The following DDX19B variants were observed in gnomAD, a reference collection of about 807,000 sequenced individuals.
The protein encoded by DDX19B is DEAD-box helicase 19B.
Under a neutral mutation model 58.1 loss-of-function variants are expected in DDX19B, and 27 were observed. The ratio of observed to expected loss-of-function variants is 0.46; its 90% CI spans 0.34 to 0.64. The LOEUF is 0.64. Ranked by LOEUF, DDX19B falls within the 30% of genes least tolerant of loss-of-function variation. The probability of loss-of-function intolerance (pLI) is 0.01; values close to 1 mark genes in which losing one functional copy is unlikely to be tolerated. For synonymous variants in DDX19B, 187 were observed against 214.4 expected, an observed-to-expected ratio of 0.87 and a Z score of 1.12; for missense variants, 399 against 596.5, an observed-to-expected ratio of 0.67 and a Z score of 3.45.
At chr16:70,290,093 T>A (rs1269094867), upstream of DDX19B, 1 of 250,060 alleles carries the variant, frequency 4.0e-6, no homozygotes, top group Non-Finnish European at 8.2e-6. Flanking sequence ...GGAGGGTGAA[T>A]ATATATATAT....
intron 1 of DDX19B, among the ~76,000 whole-genome samples, chr16:70,299,913 C>G (rs994264707): frequency 6.6e-6 from 1 of 152,092 alleles, no homozygotes; most frequent in Non-Finnish European, 1.5e-5. Flanking sequence ...TCAGCAAATC[C>G]TTTCCTCATC....
At chr16:70,296,255 C>T (rs1014441067), upstream of DDX19B, among the ~76,000 whole-genome samples, 3 of 152,030 alleles carry the variant, frequency 2.0e-5, no homozygotes, top group East Asian at 3.9e-4. Context: ...ACCACCTTGG[C>T]CTCCCAAACT....
intron 10 of DDX19B, 117 bp from the exon 11 acceptor site, chr16:70,332,851 C>T (rs1427213843): frequency 5.7e-6 from 9 of 1,576,992 alleles, no homozygotes; most frequent in Admixed American, 1.7e-5. Context: ...ATGTCATGCA[C>T]GTCTCTTAGT....
chr16:70,325,788 G>A, intron 7 of DDX19B, 100 bp downstream of exon 7: 1 of 875,964 alleles, frequency 1.1e-6, no homozygotes, highest in Non-Finnish European at 1.9e-6. Context: ...ATAAACACAT[G>A]TATGTTCTCC....
At chr16:70,294,860 C>T, upstream of DDX19B, 11 of 1,523,634 alleles carry the variant, frequency 7.2e-6, no homozygotes, top group South Asian at 1.2e-5. Flanking sequence ...CTGGGGCTGC[C>T]GGGCGCGTCC....
rs961248662 is a variant in DDX19B at position 70,333,907 on chromosome 16, G to A, written c.*325G>A. ...GCTGATTACTTGCCCAGGATCTCCT[G>A]TGGCAGCCTCTGCTTGTTCTCTGGC... On this transcript the variant is annotated 3_prime_UTR_variant, in exon 12 of 12. Transcript: ENST00000288071. 2.4e-6 allele frequency: 1 copy of A among 415,912 alleles called. No homozygotes were observed. Among genetic ancestry groups the A allele is most frequent in the Non-Finnish European group, 4.4e-6 (1 of 226,942 alleles). The allele number at this position is 415,912 out of a possible 1,614,324, so 25.8% of individuals were successfully genotyped here. A position where few individuals can be genotyped will look rare whatever the true frequency, so the allele number is the denominator to read the frequency against.
At chr16:70,315,844 G>T (rs1200352236) in intron 3 of DDX19B, 125 bp from the exon 4 acceptor site, 1 of 1,295,340 alleles carries the variant, frequency 7.7e-7, no homozygotes, top group Non-Finnish European at 1.0e-6. Flanking sequence ...TCAAAACTAT[G>T]ACGTACCTTG....
chr16:70,314,102 A>G (rs1331778609), intron 2 of DDX19B, among the ~76,000 whole-genome samples: 1 of 151,668 alleles, frequency 6.6e-6, no homozygotes, highest in African/African-American at 2.4e-5. Context: ...GTGAGACTGC[A>G]TCTCAAAAAA....
intron 1 of DDX19B, among the ~76,000 whole-genome samples, chr16:70,309,817 C>CAAAAAAAAAAAAAAA (rs61033553): frequency 1.4e-4 from 6 of 42,620 alleles, no homozygotes; most frequent in Non-Finnish European, 2.2e-4. Flanking sequence ...GACTCCGTCT[C>CAAAAAAAAAAAAAAA]AAAAAAAAAA....
At chr16:70,294,397 A>G (rs1961144697), upstream of DDX19B, among the ~76,000 whole-genome samples, 1 of 152,176 alleles carries the variant, frequency 6.6e-6, no homozygotes, top group Admixed American at 6.6e-5. Flanking sequence ...CTGCATTTTT[A>G]ACAGGCTTCA....
At chr16:70,298,838 A>C (rs376574597), upstream of DDX19B, among the ~76,000 whole-genome samples, 137 of 152,272 alleles carry the variant, frequency 9.0e-4, no homozygotes, top group African/African-American at 2.9e-3. Context: ...ACATCTGGAC[A>C]TTTTAAATTA....
intron 1 of DDX19B, 24 bp from the exon 2 acceptor site, chr16:70,312,585 C>G: frequency 6.2e-7 from 1 of 1,609,678 alleles, no homozygotes. Context: ...GACACTTTCC[C>G]CCTCCCCCAT....
At chr16:70,324,444 C>A (rs1486008791) in intron 5 of DDX19B, 141 bp from the exon 6 acceptor site, 2 of 613,918 alleles carry the variant, frequency 3.3e-6, no homozygotes, top group Non-Finnish European at 5.7e-6. Context: ...CTATAGTGCC[C>A]TGTTCTTGTG....
intron 4 of DDX19B, 66 bp downstream of exon 4, chr16:70,316,170 A>G: frequency 1.3e-6 from 2 of 1,591,222 alleles, no homozygotes; most frequent in Non-Finnish European, 1.7e-6. Context: ...GGTCTGTTAT[A>G]GATATCTTTT....
intron 7 of DDX19B, among the ~76,000 whole-genome samples, chr16:70,327,648 C>T (rs192311731): frequency 6.6e-6 from 1 of 151,882 alleles, no homozygotes; most frequent in Non-Finnish European, 1.5e-5. Flanking sequence ...CCTCCTGCCT[C>T]GTCCCCTCAA....
rs375629741 is a variant in DDX19B at position 70,314,925 on chromosome 16, A to C, written c.130A>C (p.Asn44His). The C allele has an allele frequency of 7.5e-6, 12 of 1,609,332 alleles. No homozygotes were observed. In the South Asian group the frequency reaches 7.7e-5, roughly 10 times the overall value. ...AGGTGCTGTTGTCAAGACCAATGCC[A>C]ATGCAGAGAAGACAGATGAAGAAGA... ...TNGAVVKTNA[N>H]AEKTDEEEKE... The change falls in exon 3 of 12, where the codon AAT (asparagine) becomes CAT (histidine). Residue 44 changes from asparagine (N) to histidine (H), a missense_variant. Coordinates refer to ENST00000288071, the MANE Select transcript of DDX19B (RefSeq NM_007242.7).
At chr16:70,296,347 G>A (rs543782944), upstream of DDX19B, among the ~76,000 whole-genome samples, 1 of 151,724 alleles carries the variant, frequency 6.6e-6, no homozygotes, top group East Asian at 1.9e-4. Flanking sequence ...ATGTTGTCCA[G>A]GCTGGCTTCG....
chr16:70,330,305 C>T (rs553443310), intron 9 of DDX19B, among the ~76,000 whole-genome samples: 2 of 152,242 alleles, frequency 1.3e-5, no homozygotes, highest in East Asian at 3.9e-4. Flanking sequence ...ATAAGCTGGG[C>T]GGCTGGCACG....
chr16:70,299,036 G>C (rs1179178648), upstream of DDX19B: 2 of 849,502 alleles, frequency 2.4e-6, no homozygotes. Context: ...GGCATTTTAA[G>C]ATAACTACCT....
Sources: allele counts gnomAD v4.1 joint callset (sites outside exome capture counted in the v4.1 genomes callset), GRCh38; gene constraint gnomAD v4.1.1; transcripts MANE v1.5; gene names NCBI Gene and HGNC (gene_info 2026-07-23, HGNC 2026-07-21).